Variants in ITGA6 observed in about 807,000 individuals in gnomAD.
ITGA6 encodes integrin alpha-6.
ITGA6 carries 63 observed loss-of-function variants against 133.6 expected under a neutral mutation model. The observed-to-expected ratio is 0.47, with a 90% CI of 0.38 to 0.58. The LOEUF (loss-of-function observed/expected upper bound fraction) is 0.58, where lower values mean the gene tolerates loss of function less well. Among genes scored for constraint, ITGA6 ranks in the 20% least tolerant of loss-of-function variants. ITGA6 has a pLI of 0.00. For missense variants in ITGA6, 1,068 were observed against 1,309.4 expected (o/e 0.82, Z 2.85); for synonymous variants, 434 against 482.0 (o/e 0.90, Z 1.30).
At chr2:172,429,086 A>C (rs1258272647) in intron 1 of ITGA6, among the ~76,000 whole-genome samples, 1 of 152,200 alleles carries the variant, frequency 6.6e-6, no homozygotes, top group Non-Finnish European at 1.5e-5. Flanking sequence ...GGAGAGGCGA[A>C]TGGGATTTTA....
In ITGA6 at chr2:172,427,699, T is replaced by C; in HGVS notation, c.-90T>C. ...AGCGGCGAGAGGAGGCGAAGGTGGC[T>C]GCGGTAGCAGCAGCGCGGCAGCCTC... On this transcript the variant is annotated 5_prime_UTR_variant, in exon 1 of 26. Transcript: ENST00000684293. The C allele has an allele frequency of 1.5e-6, 2 of 1,374,068 alleles. No homozygotes were observed. The highest frequency in any genetic ancestry group is 1.9e-6 in the Non-Finnish European group (2 of 1,064,644). The allele number at this position is 1,374,068 out of a possible 1,614,324, so 85.1% of individuals were successfully genotyped here. A position where few individuals can be genotyped will look rare whatever the true frequency, so the allele number is the denominator to read the frequency against.
intron 24 of ITGA6, 80 bp from the exon 25 acceptor site, chr2:172,501,692 G>T: frequency 7.0e-7 from 1 of 1,436,524 alleles, no homozygotes; most frequent in Non-Finnish European, 9.7e-7. Flanking sequence ...GTAGAAGGCA[G>T]ATTAAAATTT....
intron 5 of ITGA6, among the ~76,000 whole-genome samples, chr2:172,471,895 T>TA (rs757735273): frequency 0.013 from 1,605 of 123,786 alleles, 25 homozygotes; most frequent in African/African-American, 0.038. Flanking sequence ...GTAACCTGTT[T>TA]AAAAAAAAAA....
intron 11 of ITGA6, among the ~76,000 whole-genome samples, chr2:172,482,206 C>G (rs1686475995): frequency 6.6e-6 from 1 of 152,144 alleles, no homozygotes; most frequent in Non-Finnish European, 1.5e-5. Context: ...ACTCCATTAA[C>G]CAAGTGTTTA....
intron 1 of ITGA6, among the ~76,000 whole-genome samples, chr2:172,432,054 T>G (rs891758667): frequency 1.3e-5 from 2 of 152,218 alleles, no homozygotes; most frequent in African/African-American, 4.8e-5. Flanking sequence ...CCTGAAGACC[T>G]CGGCTCAACA....
chr2:172,441,548 C>T (rs75751703), intron 1 of ITGA6, among the ~76,000 whole-genome samples: 1,900 of 103,660 alleles, frequency 0.018, 30 homozygotes, highest in Middle Eastern at 0.098. Context: ...AGAGTGGAGA[C>T]GCTGTCTCTT....
chr2:172,462,361 T>C (rs936445844), intron 1 of ITGA6, among the ~76,000 whole-genome samples: 1 of 152,334 alleles, frequency 6.6e-6, no homozygotes, highest in African/African-American at 2.4e-5. Flanking sequence ...ATGTGCAGGC[T>C]GAGCTCGCCC....
chr2:172,450,945 ATATT>A (rs898797682), intron 1 of ITGA6, among the ~76,000 whole-genome samples: 2 of 147,212 alleles, frequency 1.4e-5, no homozygotes, highest in African/African-American at 2.5e-5. Context: ...AAATATAAAT[ATATT>A]TATCTTGTAT....
Position 172,487,376 on chromosome 2 carries a change from G to A in ITGA6, c.2083G>A (p.Ala695Thr), listed in dbSNP as rs748244345. 7 of 1,613,942 alleles carry A rather than the reference G, an allele frequency of 4.3e-6. No homozygotes were observed. Among genetic ancestry groups the A allele is most frequent in the Middle Eastern group, 1.6e-4 (1 of 6,084 alleles). Residue 695 changes from alanine (A) to threonine (T), a missense_variant, in exon 15 of 26, where the codon GCC (alanine) becomes ACC (threonine). Transcript: ENST00000684293. ...PRNPTKDGDD[A>T]HEAKLIATFP... Reference sequence around the variant, plus strand: ...GAATCCCACAAAAGATGGCGATGACGCCCATGAGGCTAAACTGATTGCAAC... The same window carrying A: ...GAATCCCACAAAAGATGGCGATGACACCCATGAGGCTAAACTGATTGCAAC...
intron 1 of ITGA6, among the ~76,000 whole-genome samples, chr2:172,450,799 A>G (rs1368492681): frequency 6.7e-6 from 1 of 148,174 alleles, no homozygotes; most frequent in African/African-American, 2.5e-5. Context: ...TACTAAATAT[A>G]TATATATTTT....
chr2:172,468,471 G>A (rs3828342), intron 3 of ITGA6, among the ~76,000 whole-genome samples: 22,089 of 152,196 alleles, frequency 0.15, 1,726 homozygotes, highest in Non-Finnish European at 0.17. Context: ...ATTTGATACT[G>A]TATTTTTAGG....
chr2:172,474,670 A>C (rs1686088343), intron 6 of ITGA6, among the ~76,000 whole-genome samples: 1 of 152,224 alleles, frequency 6.6e-6, no homozygotes, highest in South Asian at 2.1e-4. Context: ...TGGGGGGGTT[A>C]GAACAGTGAG....
Position 172,457,650 on chromosome 2 carries a change from T to TC in ITGA6, c.183-7885dup, listed in dbSNP as rs1685265593. ...GCCAAAAAAAAGTTTGGAATGTTTTTCCCCGTTATATTCATTTATTTAGGC... is the reference window on the plus strand; with the variant it reads ...GCCAAAAAAAAGTTTGGAATGTTTTTCCCCCGTTATATTCATTTATTTAGGC... On this transcript the variant is annotated intron_variant, in intron 1 of 25. Transcript: ENST00000684293. Among the ~76,000 whole-genome samples the TC allele has an allele frequency of 2.0e-5, 3 of 152,338 alleles. No homozygotes were observed. In the South Asian group the frequency reaches 6.2e-4, roughly 32 times the overall value.
In ITGA6 at chr2:172,460,360, A is replaced by G. The variant is rs77116386; in HGVS notation, c.183-5179A>G. ...TGCTCATAGCTTTGTCTCACTAACT[A>G]GGGAATCAAGATTTCTGTCAAAAGT... On this transcript the variant is annotated intron_variant, in intron 1 of 25. Coordinates refer to ENST00000684293, the MANE Select transcript of ITGA6 (RefSeq NM_000210.4). Among the ~76,000 whole-genome samples, 846 of 152,350 alleles carry G rather than the reference A, an allele frequency of 5.6e-3. 6 individuals carry two copies. Among genetic ancestry groups the G allele is most frequent in the African/African-American group, 0.019 (789 of 41,570 alleles).
At chr2:172,481,971 A>G (rs981833175) in intron 11 of ITGA6, among the ~76,000 whole-genome samples, 3 of 152,204 alleles carry the variant, frequency 2.0e-5, no homozygotes, top group African/African-American at 4.8e-5. Context: ...AGACAAGGAG[A>G]AAACAGTGAT....
At position 172,501,880 on chromosome 2, in the gene ITGA6, T is replaced by TATTGATCTACTTCTGTAATTGGTA. The variant is rs1158477631; in HGVS notation, c.*9_*22+10dup. 1 of 1,612,156 alleles carries TATTGATCTACTTCTGTAATTGGTA rather than the reference T, an allele frequency of 6.2e-7. No individual in the cohort carries two copies. The highest frequency in any genetic ancestry group is 8.5e-7 in the Non-Finnish European group (1 of 1,179,256). On this transcript the variant is annotated 3_prime_UTR_variant, in exon 25 of 26. Transcript: ENST00000684293. The stretch of plus-strand genomic sequence containing the variant: ...AGAGAGGCTTACTTCTGATGCATAG[T>TATTGATCTACTTCTGTAATTGGTA]ATTGATCTACTTCTGTAATTGGTAA...
intron 2 of ITGA6, among the ~76,000 whole-genome samples, chr2:172,466,611 T>C (rs188535148): frequency 3.9e-5 from 6 of 152,254 alleles, no homozygotes; most frequent in African/African-American, 1.2e-4. Context: ...CAGAGCAAGA[T>C]ACCATCTCAA....
At position 172,502,500 on chromosome 2, in the gene ITGA6, C is replaced by T. The variant is rs77895899; in HGVS notation, c.*22+599C>T. 6.3e-3 allele frequency among the ~76,000 whole-genome samples: 957 copies of T among 152,302 alleles called. 7 individuals are homozygous for T. Among genetic ancestry groups the T allele is most frequent in the African/African-American group, 0.021 (887 of 41,572 alleles). ...TAGCTAAGCATGCAACTTCCATTTC[C>T]TGCATGTCTCCTACAGGTCAAAGAC... On this transcript the variant is annotated intron_variant, in intron 25 of 25. Coordinates refer to ENST00000684293, the MANE Select transcript of ITGA6 (RefSeq NM_000210.4).
chr2:172,473,738 C>T (rs938871035), intron 5 of ITGA6, among the ~76,000 whole-genome samples: 1 of 152,106 alleles, frequency 6.6e-6, no homozygotes, highest in South Asian at 2.1e-4. Flanking sequence ...TCTCCTTTTA[C>T]CATAGTTCCA....
Sources: allele counts gnomAD v4.1 joint callset (sites outside exome capture counted in the v4.1 genomes callset), GRCh38; gene constraint gnomAD v4.1.1; transcripts MANE v1.5; gene names NCBI Gene and HGNC (gene_info 2026-07-23, HGNC 2026-07-21).